The following FLNC variants were observed in gnomAD, a reference collection of about 807,000 sequenced individuals.
FLNC encodes the protein filamin C.
Under a neutral mutation model 254.3 loss-of-function variants are expected in FLNC, and 91 were observed. The ratio of observed to expected loss-of-function variants is 0.36; its 90% CI spans 0.30 to 0.43. FLNC has a LOEUF of 0.43. Ranked by LOEUF, FLNC falls within the 20% of genes least tolerant of loss-of-function variation. The pLI is 1.00. For missense variants in FLNC, 2,853 were observed against 3,802.6 expected, an observed-to-expected ratio of 0.75 and a Z score of 6.57; for synonymous variants, 1,430 against 1,577.2, an observed-to-expected ratio of 0.91 and a Z score of 2.21.
At chr7:128,837,862 G>A (rs1254510151) in intron 5 of FLNC, 107 bp downstream of exon 5, 18 of 1,363,162 alleles carry the variant, frequency 1.3e-5, no homozygotes, top group Non-Finnish European at 1.8e-5. Context: ...GCCACACACT[G>A]TGCTGTGCAG....
chr7:128,854,307 G>C, intron 40 of FLNC, 91 bp downstream of exon 40: 1 of 1,603,134 alleles, frequency 6.2e-7, no homozygotes, highest in Non-Finnish European at 8.5e-7. Context: ...TGGCCCCGAA[G>C]GCCAGGGCAG....
Position 128,843,306 on chromosome 7 carries a change from G to A in FLNC, c.2628G>A (p.Gly876=). Residue 876 remains glycine (G), a synonymous_variant, in exon 17 of 48, where the codon GGG becomes GGA. Coordinates refer to ENST00000325888, the MANE Select transcript of FLNC (RefSeq NM_001458.5). The part of the protein sequence containing the change: ...DASKVKAEGP[G]LNRTGVEVGK... The stretch of plus-strand genomic sequence containing the variant: ...GCAAAGTCAAGGCCGAGGGCCCTGG[G>A]CTGAATCGCACAGGTGAGTGTCTGG... The A allele has an allele frequency of 6.2e-7, 1 of 1,613,076 alleles. No individual in the cohort carries two copies. The highest frequency in any genetic ancestry group is 8.5e-7 in the Non-Finnish European group (1 of 1,179,544).
Position 128,856,512 on chromosome 7 carries a change from T to C in FLNC, c.7252-6T>C, listed in dbSNP as rs753283145. The C allele has an allele frequency of 3.1e-6, 5 of 1,611,594 alleles. No individual in the cohort carries two copies. The Middle Eastern group carries it at 5.0e-4, about 160-fold the overall frequency. Reference sequence around the variant, plus strand: ...GGAGTCTGAGCATCCTCCGTGGCCTTTGCAGGAGACGGGGCTCAAGGTGAA... The same window carrying C: ...GGAGTCTGAGCATCCTCCGTGGCCTCTGCAGGAGACGGGGCTCAAGGTGAA... On this transcript the variant is annotated splice_polypyrimidine_tract_variant and splice_region_variant and intron_variant, in intron 43 of 47. Transcript: ENST00000325888. The surrounding 1 kb of genome is among the most constrained non-coding windows in gnomAD (Gnocchi z 5.9).
Position 128,854,102 on chromosome 7 carries a change from G to A in FLNC, c.6613G>A (p.Val2205Met), listed in dbSNP as rs1189620343. The change falls in exon 40 of 48, where the codon GTG (valine) becomes ATG (methionine). Residue 2205 changes from valine to methionine, a missense_variant. This residue lies in a region of FLNC where 551 missense variants were observed against 835.0 expected (regional missense o/e 0.66). Transcript: ENST00000325888. The part of the protein sequence containing the change: ...KTRGGETKRE[V>M]RVEESTQVGG... ...GCGGGGCGGGGAGACAAAGCGCGAGGTGCGGGTGGAGGAGTCCACCCAGGT... is the reference window on the plus strand; with the variant it reads ...GCGGGGCGGGGAGACAAAGCGCGAGATGCGGGTGGAGGAGTCCACCCAGGT... 6.2e-7 allele frequency: 1 copy of A among 1,613,024 alleles called. No homozygotes were observed. The highest frequency in any genetic ancestry group is 1.3e-5 in the African/African-American group (1 of 75,072).
Position 128,849,387 on chromosome 7 carries a change from G to C in FLNC, c.5008G>C (p.Ala1670Pro). ...GCAGGAGACGGTGATCACGGTGGAT[G>C]CCAAGGCAGCCGGTGAGGGGAAGGT... Reference protein sequence around the residue: ...IGQETVITVDAKAAGEGKVTC... With the variant: ...IGQETVITVDPKAAGEGKVTC... Residue 1670 changes from alanine (A) to proline (P), a missense_variant, in exon 30 of 48, where the codon GCC (alanine) becomes CCC (proline). Physicochemically the swap from Ala to Pro is conservative, Grantham distance 27. Coordinates refer to ENST00000325888, the MANE Select transcript of FLNC (RefSeq NM_001458.5). 6.2e-7 allele frequency: 1 copy of C among 1,614,176 alleles called. No individual in the cohort carries two copies. Among genetic ancestry groups the C allele is most frequent in the Non-Finnish European group, 8.5e-7 (1 of 1,180,042 alleles).
intron 1 of FLNC, among the ~76,000 whole-genome samples, chr7:128,832,545 C>T (rs909288550): frequency 6.6e-6 from 1 of 152,236 alleles, no homozygotes; most frequent in Non-Finnish European, 1.5e-5. Flanking sequence ...GGGCTCTCGG[C>T]CCCTCTCCAG....
chr7:128,846,783 GTC>G lies in FLNC; in HGVS notation c.4167_4168del (p.Pro1390LeufsTer14). 6.2e-7 allele frequency: 1 copy of G among 1,614,186 alleles called. No individual in the cohort carries two copies. On this transcript the variant is annotated frameshift_variant, in exon 24 of 48. Coordinates refer to ENST00000325888, the MANE Select transcript of FLNC (RefSeq NM_001458.5). LOFTEE classifies it high-confidence loss of function. ...GGGGGCCTTGGCCTAGCCATCGAGG[GTC>G]CCTCGGAAGCCAAGATGTCCTGCAA...
chr7:128,837,608 G>A (rs1207219043), intron 4 of FLNC, 29 bp from the exon 5 acceptor site: 1 of 1,613,346 alleles, frequency 6.2e-7, no homozygotes, highest in East Asian at 2.2e-5. Flanking sequence ...CTCTCCCTGA[G>A]TAACCTGGGC....
In FLNC at chr7:128,850,831, G is replaced by A. The variant is rs774600814; in HGVS notation, c.5427G>A (p.Thr1809=). 114 of 1,613,646 alleles carry A rather than the reference G, an allele frequency of 7.1e-5. No individual in the cohort carries two copies. The highest frequency in any genetic ancestry group is 9.2e-5 in the Non-Finnish European group (109 of 1,180,004). ...TGEVRMPSGK[T]ARPNITDNKD... is the part of the protein sequence containing the mutation. ...AGGTGCGGATGCCCTCGGGGAAGAC[G>A]GCACGGCCCAACATCACCGACAACA... The change falls in exon 33 of 48, where the codon ACG becomes ACA. Residue 1809 remains threonine, a synonymous_variant. Transcript: ENST00000325888.
rs773564328 is a variant in FLNC, at chr7:128,841,122, G to A, written c.1814-48G>A. On this transcript the variant is annotated intron_variant, in intron 11 of 47. Coordinates refer to ENST00000325888, the MANE Select transcript of FLNC (RefSeq NM_001458.5). The surrounding 1 kb of genome is among the most constrained non-coding windows in gnomAD (Gnocchi z 4.3). ...GCTAGAGGGGAGCTGGGGGACGGAA[G>A]GGTCTTGCCTGATGCTGGATCCCCG... 10 of 1,603,900 alleles carry A rather than the reference G, an allele frequency of 6.2e-6. No homozygotes were observed. Among genetic ancestry groups the A allele is most frequent in the Non-Finnish European group, 7.7e-6 (9 of 1,173,728 alleles).
rs772724286 is a variant in FLNC at position 128,847,889 on chromosome 7, G to A, written c.4456+25G>A. 9.9e-5 allele frequency: 159 copies of A among 1,613,734 alleles called. 2 individuals carry two copies. The South Asian group carries it at 1.6e-3, about 16-fold the overall frequency. On this transcript the variant is annotated intron_variant, in intron 25 of 47. Transcript: ENST00000325888. ...GGTATAGAATGGCCGGGGCAGGGAG[G>A]AGGGAGGTGGGGCGGGACGCCCGGA...
In FLNC at chr7:128,844,057, G is replaced by A. The variant is rs752053093; in HGVS notation, c.2983G>A (p.Gly995Ser). 1.5e-5 allele frequency: 25 copies of A among 1,613,940 alleles called. No homozygotes were observed. The highest frequency in any genetic ancestry group is 1.8e-5 in the Non-Finnish European group (21 of 1,180,046). Residue 995 changes from glycine (G) to serine (S), a missense_variant, in exon 20 of 48, where the codon GGT (glycine) becomes AGT (serine). Gly to Ser is a moderately conservative substitution (Grantham distance 56, BLOSUM62 0). Transcript: ENST00000325888. The part of the protein sequence containing the change: ...AFSVNTRGAG[G>S]QGQLDVRMTS... ...CTCTGTGAACACACGAGGGGCTGGC[G>A]GTCAGGGCCAACTGGATGTGCGGAT...
chr7:128,855,168 G>A (rs368683577), intron 42 of FLNC, 31 bp from the exon 43 acceptor site: 145 of 1,500,968 alleles, frequency 9.7e-5, no homozygotes, highest in Non-Finnish European at 1.3e-4. Flanking sequence ...CCTCCATCCC[G>A]GAACCTGTGC....
Position 128,844,046 on chromosome 7 carries a change from G to A in FLNC, c.2972G>A (p.Arg991Gln), listed in dbSNP as rs762995952. Reference protein sequence around the residue: ...GQEQAFSVNTRGAGGQGQLDV... With the variant: ...GQEQAFSVNTQGAGGQGQLDV... ...GAACAAGCATTCTCTGTGAACACAC[G>A]AGGGGCTGGCGGTCAGGGCCAACTG... Residue 991 changes from arginine (R) to glutamine (Q), a missense_variant, in exon 20 of 48, where the codon CGA (arginine) becomes CAA (glutamine). Arg to Gln is a conservative substitution (Grantham distance 43). Around this residue, in one of 10 missense-constraint regions of FLNC, gnomAD observed 1,573 missense variants for 1,883.5 expected, o/e 0.84. Transcript: ENST00000325888. 2.5e-6 allele frequency: 4 copies of A among 1,613,992 alleles called. No individual in the cohort carries two copies. The highest frequency in any genetic ancestry group is 3.4e-6 in the Non-Finnish European group (4 of 1,180,048).
At chr7:128,834,840 CTT>C (rs142900761) in intron 1 of FLNC, among the ~76,000 whole-genome samples, 4,167 of 151,978 alleles carry the variant, frequency 0.027, 89 homozygotes, top group Non-Finnish European at 0.038. Flanking sequence ...TGCAAGGAAA[CTT>C]TGGGGAGTGA....
rs770955703 is a variant in FLNC, at chr7:128,835,556, G to A, written c.583G>A (p.Val195Met). The change falls in exon 2 of 48, where the codon GTG becomes ATG. Residue 195 changes from valine (V) to methionine (M), a missense_variant. Physicochemically the swap from Val to Met is conservative, Grantham distance 21 (BLOSUM62 1). Around this residue, in one of 10 missense-constraint regions of FLNC, gnomAD observed 115 missense variants for 230.3 expected, o/e 0.50. Transcript: ENST00000325888. This position sits in a 1 kb window ranked among gnomAD's most constrained non-coding sequence, Gnocchi z 5.3. ...WQDGKALGAL[V>M]DNCAPGLCPD... is the part of the protein sequence containing the mutation. ...GGACGGCAAAGCTCTGGGCGCCCTG[G>A]TGGACAACTGCGCCCCCGGTGAGTG... 6.2e-7 allele frequency: 1 copy of A among 1,613,310 alleles called. No individual in the cohort carries two copies. Among genetic ancestry groups the A allele is most frequent in the Non-Finnish European group, 8.5e-7 (1 of 1,180,018 alleles).
rs6947044 is a variant in FLNC, at chr7:128,845,796, T to G, written c.3791-194T>G. Among the ~76,000 whole-genome samples the G allele has an allele frequency of 0.99, 143,976 of 145,210 alleles. 71,389 individuals carry two copies. The highest frequency in any genetic ancestry group is 1 in the Middle Eastern group (290 of 290). On this transcript the variant is annotated intron_variant, in intron 21 of 47. Coordinates refer to ENST00000325888, the MANE Select transcript of FLNC (RefSeq NM_001458.5). ...GCTCACAGAGGTGCAGGGGAGGGTG[T>G]GGGGCCCAGGCTCCGATTAGAGGAG...
chr7:128,857,085 C>A lies in FLNC; in HGVS notation c.7562-33C>A. On this transcript the variant is annotated intron_variant, in intron 45 of 47. Coordinates refer to ENST00000325888, the MANE Select transcript of FLNC (RefSeq NM_001458.5). The surrounding 1 kb of genome is among the most constrained non-coding windows in gnomAD (Gnocchi z 4.5). The stretch of plus-strand genomic sequence containing the variant: ...AGTCCCTCTTGGGCCACAAGCCCTT[C>A]CTGCCCTCAGCCTTGCTACCTCTGG... The A allele has an allele frequency of 5.0e-6, 8 of 1,604,710 alleles. No homozygotes were observed. The highest frequency in any genetic ancestry group is 6.8e-6 in the Non-Finnish European group (8 of 1,171,768).
chr7:128,843,343 G>T, intron 17 of FLNC, 24 bp downstream of exon 17: 1 of 1,612,358 alleles, frequency 6.2e-7, no homozygotes, highest in South Asian at 1.1e-5. Context: ...CAGGGGCTGG[G>T]ACTGGCTCGA....
Sources: allele counts gnomAD v4.1 joint callset (sites outside exome capture counted in the v4.1 genomes callset), GRCh38; gene constraint gnomAD v4.1.1; regional missense constraint gnomAD v4.1.1; non-coding constraint Gnocchi (gnomAD v3.1); transcripts MANE v1.5; gene names NCBI Gene and HGNC (gene_info 2026-07-23, HGNC 2026-07-21).